Variants in MARCHF5 observed in about 807,000 individuals in gnomAD.
The protein encoded by MARCHF5 is E3 ubiquitin-protein ligase MARCHF5.
MARCHF5 carries 5 observed loss-of-function variants against 36.5 expected under a neutral mutation model. That is an observed-to-expected ratio of 0.14 (90% CI 0.07 to 0.29). MARCHF5 has a LOEUF of 0.29. Among genes scored for constraint, MARCHF5 ranks in the 10% least tolerant of loss-of-function variants. The pLI is 1.00. For synonymous variants in MARCHF5, 103 were observed against 109.9 expected (o/e 0.94, Z 0.39); for missense variants, 179 against 336.3 (o/e 0.53, Z 3.66).
At chr10:92,334,432 T>C (rs1379782161) in intron 2 of MARCHF5, 1 of 152,358 alleles carries the variant, frequency 6.6e-6, no homozygotes, top group Non-Finnish European at 1.5e-5. Context: ...TTAGAAACTT[T>C]CGCACAACAA....
chr10:92,324,988 A>T (rs1843337625), intron 2 of MARCHF5, among the ~76,000 whole-genome samples: 1 of 152,036 alleles, frequency 6.6e-6, no homozygotes, highest in Admixed American at 6.5e-5. Context: ...TGTCTAGTTG[A>T]TTCTGGTATT....
At chr10:92,325,613 C>G (rs1843347399) in intron 2 of MARCHF5, among the ~76,000 whole-genome samples, 1 of 152,172 alleles carries the variant, frequency 6.6e-6, no homozygotes, top group Admixed American at 6.5e-5. Context: ...TTTCAGCTCT[C>G]TTATATCTCA....
At chr10:92,333,818 G>A (rs893341778) in intron 2 of MARCHF5, among the ~76,000 whole-genome samples, 1 of 152,148 alleles carries the variant, frequency 6.6e-6, no homozygotes, top group East Asian at 1.9e-4. Flanking sequence ...AGTTTATATT[G>A]TTAAACTGTC....
chr10:92,319,675 G>A (rs1412891025), intron 2 of MARCHF5, among the ~76,000 whole-genome samples: 2 of 146,324 alleles, frequency 1.4e-5, no homozygotes, highest in East Asian at 2.0e-4. Flanking sequence ...TTTTTTCTGA[G>A]AGGGAGTCTT....
At chr10:92,320,634 A>C (rs1190468193) in intron 2 of MARCHF5, among the ~76,000 whole-genome samples, 2 of 150,112 alleles carry the variant, frequency 1.3e-5, no homozygotes, top group African/African-American at 5.0e-5. Context: ...AAGTAAGAAT[A>C]ATAAATTTTA....
intron 2 of MARCHF5, among the ~76,000 whole-genome samples, chr10:92,314,363 G>A (rs537560810): frequency 1.6e-4 from 25 of 152,274 alleles, no homozygotes; most frequent in Non-Finnish European, 3.1e-4. Flanking sequence ...ATGAATATCC[G>A]CTGGGCACGG....
intron 1 of MARCHF5, 141 bp downstream of exon 1, chr10:92,291,670 A>T: frequency 7.7e-7 from 1 of 1,295,296 alleles, no homozygotes; most frequent in Non-Finnish European, 1.0e-6. Flanking sequence ...AGGGGCAAAA[A>T]GTTTGGAGTC....
chr10:92,311,014 T>C (rs1843138592), intron 1 of MARCHF5, 121 bp from the exon 2 acceptor site: 2 of 690,396 alleles, frequency 2.9e-6, no homozygotes, highest in Non-Finnish European at 4.8e-6. Context: ...AGTCTTTTAA[T>C]ATAGGACAGA....
At chr10:92,315,992 C>T (rs988691219) in intron 2 of MARCHF5, among the ~76,000 whole-genome samples, 9 of 152,158 alleles carry the variant, frequency 5.9e-5, no homozygotes, top group African/African-American at 2.2e-4. Context: ...ACTTTTATCA[C>T]TTTTTTCTCA....
Position 92,351,102 on chromosome 10 carries a change from G to T in MARCHF5, c.732G>T (p.Ala244=). Residue 244 remains alanine (A), a synonymous_variant, in exon 6 of 6, where the codon GCG becomes GCT. Transcript: ENST00000358935. ...CCTTTTTATTTTAGGGTGGAATTGC[G>T]TTTGTTGCCATAAAAGGAGCATTTA... is the stretch of plus-strand genomic sequence containing the variant. ...NLQRTILGGI[A]FVAIKGAFKV... 6.2e-7 allele frequency: 1 copy of T among 1,604,014 alleles called. No individual in the cohort carries two copies. Among genetic ancestry groups the T allele is most frequent in the Non-Finnish European group, 8.5e-7 (1 of 1,172,614 alleles).
chr10:92,336,159 C>T (rs1843499941), intron 2 of MARCHF5, among the ~76,000 whole-genome samples: 1 of 152,180 alleles, frequency 6.6e-6, no homozygotes, highest in Admixed American at 6.5e-5. Context: ...CCTCAGCCTC[C>T]TGAGTAGCTG....
intron 2 of MARCHF5, among the ~76,000 whole-genome samples, chr10:92,313,342 C>G (rs913872895): frequency 6.6e-6 from 1 of 152,048 alleles, no homozygotes; most frequent in Non-Finnish European, 1.5e-5. Context: ...CGGTGGCTCA[C>G]ACCTGTAATC....
chr10:92,346,046 A>G (rs1280711094), intron 3 of MARCHF5, among the ~76,000 whole-genome samples: 1 of 152,146 alleles, frequency 6.6e-6, no homozygotes, highest in Non-Finnish European at 1.5e-5. Flanking sequence ...TAATTCCTGG[A>G]GCTTACCCCA....
rs144403778 is a variant in MARCHF5 at position 92,311,157 on chromosome 10, A to G, written c.58A>G (p.Thr20Ala). Reference protein sequence around the residue: ...LDRSCWVCFATDEDDRTAEWV... With the variant: ...LDRSCWVCFAADEDDRTAEWV... The stretch of plus-strand genomic sequence containing the variant: ...CAGAAGTTGCTGGGTTTGTTTTGCT[A>G]CTGATGAAGATGATAGAACAGCTGA... The change falls in exon 2 of 6, where the codon ACT becomes GCT. Residue 20 changes from threonine to alanine, a missense_variant. Thr to Ala is a moderately conservative substitution (Grantham distance 58). Coordinates refer to ENST00000358935, the MANE Select transcript of MARCHF5 (RefSeq NM_017824.5). The G allele has an allele frequency of 1.1e-5, 18 of 1,613,866 alleles. No homozygotes were observed. Among genetic ancestry groups the G allele is most frequent in the Non-Finnish European group, 1.4e-5 (17 of 1,179,958 alleles).
intron 2 of MARCHF5, among the ~76,000 whole-genome samples, chr10:92,338,179 A>G (rs1324118548): frequency 6.6e-6 from 1 of 151,814 alleles, no homozygotes; most frequent in African/African-American, 2.4e-5. Context: ...ACAGAGCAAG[A>G]CCCTGTCTCA....
chr10:92,350,066 T>C (rs1219243112), intron 5 of MARCHF5: 1 of 468,118 alleles, frequency 2.1e-6, no homozygotes. Context: ...TCTCCTGGCA[T>C]ATGCATGAAT....
rs550793381 is a variant in MARCHF5 at position 92,334,354 on chromosome 10, C to T, written c.239-6319C>T. On this transcript the variant is annotated intron_variant, in intron 2 of 5. Transcript: ENST00000358935. The stretch of plus-strand genomic sequence containing the variant: ...TGGCCACTTAACAGAAGGAACTTAT[C>T]GTCTCAGAAACTTATACCAGGTTGT... The T allele has an allele frequency of 6.7e-4, 102 of 152,302 alleles. 1 individual carries two copies. Among genetic ancestry groups the T allele is most frequent in the Middle Eastern group, 3.4e-3 (1 of 294 alleles). 9.4% of individuals were successfully genotyped at this position (152,302 alleles called of 1,614,324 possible).
At chr10:92,334,393 T>C (rs914804599) in intron 2 of MARCHF5, 2 of 152,300 alleles carry the variant, frequency 1.3e-5, no homozygotes, top group African/African-American at 2.4e-5. Context: ...GTAAAGTACC[T>C]GTTTATGCTC....
At chr10:92,296,338 T>C (rs11186904) in intron 1 of MARCHF5, among the ~76,000 whole-genome samples, 62,764 of 152,048 alleles carry the variant, frequency 0.41, 15,153 homozygotes, top group Non-Finnish European at 0.56. Context: ...CAAATATCAT[T>C]TCCCTGAAAT....
Sources: allele counts gnomAD v4.1 joint callset (sites outside exome capture counted in the v4.1 genomes callset), GRCh38; gene constraint gnomAD v4.1.1; transcripts MANE v1.5; gene names NCBI Gene and HGNC (gene_info 2026-07-23, HGNC 2026-07-21).